Variants in BMERB1 observed in about 807,000 individuals in gnomAD.
BMERB1 encodes bMERB domain-containing protein 1.
A neutral mutation model predicts 23.6 loss-of-function variants in BMERB1; 12 were observed. The ratio of observed to expected loss-of-function variants is 0.51; its 90% confidence interval spans 0.33 to 0.82. BMERB1 has a LOEUF of 0.82. Ranked by LOEUF, BMERB1 falls within the 40% of genes least tolerant of loss-of-function variation. The probability of loss-of-function intolerance (pLI) is 0.03; values close to 1 mark genes in which losing one functional copy is unlikely to be tolerated. For missense variants in BMERB1, 247 were observed against 255.4 expected (o/e 0.97, Z 0.22); for synonymous variants, 122 against 96.6 (o/e 1.26, Z -1.54).
At position 15,453,690 on chromosome 16, in the gene BMERB1, G is replaced by A. The variant is rs538151834; in HGVS notation, c.106+18931G>A. 1.8e-4 allele frequency among the ~76,000 whole-genome samples: 27 copies of A among 152,192 alleles called. 1 individual carries two copies. Among genetic ancestry groups the A allele is most frequent in the South Asian group, 1.0e-3 (5 of 4,806 alleles). On this transcript the variant is annotated intron_variant, in intron 1 of 5. Coordinates refer to ENST00000300006, the MANE Select transcript of BMERB1 (RefSeq NM_033201.3). ...AGTTCGAGACCAGCCTGGCCAACGT[G>A]GTGAAACCCTGTCTCTACTAAAAAT...
intron 1 of BMERB1, among the ~76,000 whole-genome samples, chr16:15,479,698 A>C (rs2051303259): frequency 6.6e-6 from 1 of 152,122 alleles, no homozygotes; most frequent in Non-Finnish European, 1.5e-5. Flanking sequence ...TGTCACTAAA[A>C]ATTTTTTGTT....
chr16:15,543,367 G>T (rs189558770), intron 2 of BMERB1, among the ~76,000 whole-genome samples: 261 of 152,234 alleles, frequency 1.7e-3, no homozygotes, highest in Non-Finnish European at 1.6e-3. Context: ...CAACATTTGG[G>T]TGTGAAAACA....
At chr16:15,574,690 G>A (rs2030813435) in intron 3 of BMERB1, among the ~76,000 whole-genome samples, 1 of 152,064 alleles carries the variant, frequency 6.6e-6, no homozygotes, top group Non-Finnish European at 1.5e-5. Flanking sequence ...GCCTAAAAGG[G>A]CTGCATACGT....
intron 1 of BMERB1, among the ~76,000 whole-genome samples, chr16:15,444,119 C>CTTTTTTTTTTTTTTTTT (rs1225982061): frequency 1.6e-4 from 4 of 24,460 alleles, no homozygotes; most frequent in Admixed American, 4.1e-4. Context: ...CAGGCACCAG[C>CTTTTTTTTTTTTTTTTT]TTTGTTTTTT....
At chr16:15,527,721 T>C (rs2051923764) in intron 2 of BMERB1, among the ~76,000 whole-genome samples, 1 of 152,094 alleles carries the variant, frequency 6.6e-6, no homozygotes, top group Admixed American at 6.6e-5. Context: ...GTATCTGATA[T>C]CTCCACTTAA....
At chr16:15,477,723 T>C (rs1295014674) in intron 1 of BMERB1, among the ~76,000 whole-genome samples, 3 of 152,054 alleles carry the variant, frequency 2.0e-5, no homozygotes, top group Non-Finnish European at 4.4e-5. Flanking sequence ...TTTTTTTTTT[T>C]CTGTGCTTGG....
At chr16:15,580,735 CG>C (rs1225530555) in intron 3 of BMERB1, among the ~76,000 whole-genome samples, 1 of 151,290 alleles carries the variant, frequency 6.6e-6, no homozygotes, top group Non-Finnish European at 1.5e-5. Flanking sequence ...TTAGTAGAGA[CG>C]GGGTTCCACC....
At chr16:15,489,386 T>G (rs219426) in intron 1 of BMERB1, among the ~76,000 whole-genome samples, 24,143 of 152,066 alleles carry the variant, frequency 0.16, 2,523 homozygotes, top group East Asian at 0.4. Context: ...GAAATTGCTG[T>G]TCCTACCCCC....
chr16:15,459,084 G>T (rs1210509599), intron 1 of BMERB1, among the ~76,000 whole-genome samples: 1 of 152,050 alleles, frequency 6.6e-6, no homozygotes, highest in Admixed American at 6.6e-5. Flanking sequence ...CTCCAGCCCA[G>T]GTAACAGTGT....
At chr16:15,442,234 G>C (rs2050944961) in intron 1 of BMERB1, among the ~76,000 whole-genome samples, 1 of 152,026 alleles carries the variant, frequency 6.6e-6, no homozygotes, top group South Asian at 2.1e-4. Context: ...GGGAGGCTGA[G>C]GCGGGAGACT....
chr16:15,532,936 G>T (rs142179048), intron 2 of BMERB1: 624 of 450,046 alleles, frequency 1.4e-3, no homozygotes, highest in Admixed American at 2.4e-3. Flanking sequence ...GTGTTTACTT[G>T]CTCCGGATTA....
chr16:15,461,505 C>G (rs1416676748), intron 1 of BMERB1, among the ~76,000 whole-genome samples: 2 of 151,992 alleles, frequency 1.3e-5, no homozygotes, highest in African/African-American at 4.8e-5. Flanking sequence ...GCTAAGAGCC[C>G]GGAATAAAAC....
intron 1 of BMERB1, among the ~76,000 whole-genome samples, chr16:15,451,223 C>G (rs934741294): frequency 1.3e-5 from 2 of 152,090 alleles, no homozygotes; most frequent in African/African-American, 4.8e-5. Context: ...CTCTCTGGAG[C>G]GAGTCTCACC....
At chr16:15,437,520 A>G (rs1389215858) in intron 1 of BMERB1, among the ~76,000 whole-genome samples, 3 of 152,220 alleles carry the variant, frequency 2.0e-5, no homozygotes, top group Non-Finnish European at 2.9e-5. Flanking sequence ...CAATTCTTCA[A>G]TAATGCCCTT....
At chr16:15,452,888 C>T (rs1390662010) in intron 1 of BMERB1, among the ~76,000 whole-genome samples, 2 of 152,178 alleles carry the variant, frequency 1.3e-5, no homozygotes, top group Admixed American at 6.6e-5. Flanking sequence ...GGTGTATTCT[C>T]CCATGGCAAG....
intron 1 of BMERB1, among the ~76,000 whole-genome samples, chr16:15,487,223 G>A (rs185585963): frequency 6.0e-4 from 91 of 152,196 alleles, no homozygotes; most frequent in African/African-American, 2.0e-3. Context: ...TTTAGTAAGG[G>A]TTTCTTCTAA....
intron 1 of BMERB1, among the ~76,000 whole-genome samples, chr16:15,488,353 A>G (rs550153712): frequency 2.0e-5 from 3 of 152,314 alleles, no homozygotes; most frequent in African/African-American, 4.8e-5. Context: ...CACAAAAAGA[A>G]GTGATGGGCT....
intron 1 of BMERB1, among the ~76,000 whole-genome samples, chr16:15,505,096 G>A (rs1376545513): frequency 2.0e-5 from 3 of 152,278 alleles, no homozygotes; most frequent in African/African-American, 4.8e-5. Context: ...AATGAGAACC[G>A]TTTGTTGAGG....
chr16:15,446,314 G>A (rs1373367684), intron 1 of BMERB1, among the ~76,000 whole-genome samples: 6 of 152,130 alleles, frequency 3.9e-5, no homozygotes, highest in Non-Finnish European at 5.9e-5. Context: ...AGAATCTCTT[G>A]AGCCCAGGAG....
Sources: allele counts gnomAD v4.1 joint callset (sites outside exome capture counted in the v4.1 genomes callset), GRCh38; gene constraint gnomAD v4.1.1; transcripts MANE v1.5; gene names NCBI Gene and HGNC (gene_info 2026-07-23, HGNC 2026-07-21).